Variants in SCHIP1 observed in about 807,000 individuals in gnomAD.
SCHIP1 encodes the protein schwannomin interacting protein 1.
In SCHIP1, 8 loss-of-function variants were observed where a neutral mutation model predicts 29.7. That is an observed-to-expected ratio of 0.27 (90% confidence interval 0.16 to 0.49). The LOEUF (loss-of-function observed/expected upper bound fraction) is 0.49, where lower values mean the gene tolerates loss of function less well. Among genes scored for constraint, SCHIP1 ranks in the 20% least tolerant of loss-of-function variants. The pLI, the probability that SCHIP1 is intolerant of heterozygous loss-of-function variation, is 0.99. For synonymous variants in SCHIP1, 76 were observed against 94.9 expected, an observed-to-expected ratio of 0.80 and a Z score of 1.16; for missense variants, 193 against 294.6, an observed-to-expected ratio of 0.66 and a Z score of 2.52.
the SCHIP1 span, chr3:159,274,205 G>A: frequency 1.0e-6 from 1 of 984,966 alleles, no homozygotes; most frequent in Non-Finnish European, 1.2e-6. Flanking sequence ...CATGTAAATA[G>A]TTCCAAATGT....
chr3:159,482,115 C>T, the SCHIP1 span, among the ~76,000 whole-genome samples: 10 of 152,076 alleles, frequency 6.6e-5, no homozygotes, highest in Non-Finnish European at 1.2e-4. Flanking sequence ...GTGCACAGTG[C>T]TTTGCATATC....
chr3:159,652,638 C>T, the SCHIP1 span, among the ~76,000 whole-genome samples: 1 of 152,068 alleles, frequency 6.6e-6, no homozygotes, highest in Non-Finnish European at 1.5e-5. Flanking sequence ...GGAAAGTGAC[C>T]TCACAGATAA....
chr3:159,602,336 T>C, the SCHIP1 span, among the ~76,000 whole-genome samples: 2 of 152,180 alleles, frequency 1.3e-5, no homozygotes, highest in African/African-American at 2.4e-5. Context: ...TTGGCTCTTC[T>C]TTCTGGAGAC....
chr3:159,359,822 C>A, the SCHIP1 span, among the ~76,000 whole-genome samples: 1,193 of 152,278 alleles, frequency 7.8e-3, 16 homozygotes, highest in African/African-American at 0.028. Flanking sequence ...AAAAGATCCT[C>A]CTGTAAAAGA....
chr3:159,472,239 G>T, the SCHIP1 span, among the ~76,000 whole-genome samples: 1 of 152,182 alleles, frequency 6.6e-6, no homozygotes, highest in African/African-American at 2.4e-5. Flanking sequence ...TGTTTTTAAA[G>T]AGTTGTGTGT....
chr3:159,608,726 T>C, the SCHIP1 span, among the ~76,000 whole-genome samples: 1 of 152,322 alleles, frequency 6.6e-6, no homozygotes, highest in South Asian at 2.1e-4. Flanking sequence ...TGAATGACCA[T>C]GGATAAGTTT....
chr3:159,839,365 C>T (rs888025811), upstream of SCHIP1, among the ~76,000 whole-genome samples: 2 of 150,944 alleles, frequency 1.3e-5, no homozygotes, highest in Non-Finnish European at 2.9e-5. Flanking sequence ...TTTTAATAAG[C>T]TCTCTCCCTA....
chr3:159,424,621 G>T, the SCHIP1 span, among the ~76,000 whole-genome samples: 1 of 152,174 alleles, frequency 6.6e-6, no homozygotes, highest in South Asian at 2.1e-4. Context: ...CACTCTGCAG[G>T]ATATTATCCA....
At chr3:159,743,633 A>G in the SCHIP1 span, among the ~76,000 whole-genome samples, 1 of 152,224 alleles carries the variant, frequency 6.6e-6, no homozygotes, top group South Asian at 2.1e-4. Context: ...AGTTTGAATC[A>G]AGTTGTAAAG....
At chr3:159,334,564 T>C in the SCHIP1 span, among the ~76,000 whole-genome samples, 1 of 152,188 alleles carries the variant, frequency 6.6e-6, no homozygotes, top group Non-Finnish European at 1.5e-5. Flanking sequence ...AATTTCCTCA[T>C]GCTGCCTCTT....
the SCHIP1 span, among the ~76,000 whole-genome samples, chr3:159,371,324 C>T: frequency 1.3e-5 from 2 of 152,122 alleles, no homozygotes; most frequent in Admixed American, 1.3e-4. Flanking sequence ...CAGCCCTTAC[C>T]TAAACAACCG....
At chr3:159,766,571 C>G in the SCHIP1 span, among the ~76,000 whole-genome samples, 1 of 152,256 alleles carries the variant, frequency 6.6e-6, no homozygotes, top group East Asian at 1.9e-4. Context: ...GGGAAATAAG[C>G]AGGAGGTTAG....
the SCHIP1 span, among the ~76,000 whole-genome samples, chr3:159,437,600 C>T: frequency 9.2e-5 from 14 of 151,588 alleles, no homozygotes; most frequent in South Asian, 6.3e-4. Context: ...AGGAAGGAGA[C>T]GGTGGAGGGG....
intron 1 of SCHIP1, among the ~76,000 whole-genome samples, chr3:159,843,001 CTTTTTTTTTTTTTTTT>C (rs566940351): frequency 6.3e-5 from 4 of 63,708 alleles, no homozygotes; most frequent in Admixed American, 4.7e-4. Context: ...ATATTTCTTT[CTTTTTTTTTTTTTTTT>C]TTTTTTTTTT....
At chr3:159,508,975 C>A in the SCHIP1 span, among the ~76,000 whole-genome samples, 1 of 152,210 alleles carries the variant, frequency 6.6e-6, no homozygotes, top group African/African-American at 2.4e-5. Flanking sequence ...CTGTAGATGT[C>A]TGTTAGGTCC....
Position 159,880,104 on chromosome 3 carries a change from C to T in SCHIP1, c.150-6103C>T, listed in dbSNP as rs1376729361. On this transcript the variant is annotated intron_variant, in intron 2 of 6. Transcript: ENST00000445224. ...CCTTTGGAGCTGCCTTCATCAGCTT[C>T]TGCTGAGGAAGCCGAACACCTGAGT... is the stretch of plus-strand genomic sequence containing the variant. 2.6e-5 allele frequency among the ~76,000 whole-genome samples: 4 copies of T among 152,218 alleles called. No individual in the cohort carries two copies. In the East Asian group the frequency reaches 7.7e-4, roughly 29 times the overall value.
the SCHIP1 span, among the ~76,000 whole-genome samples, chr3:159,748,661 A>G: frequency 1.3e-5 from 2 of 152,236 alleles, no homozygotes; most frequent in Non-Finnish European, 2.9e-5. Flanking sequence ...GTAACTCACC[A>G]AAGTCATTTT....
Position 159,887,696 on chromosome 3 carries a change from T to C in SCHIP1, c.268-12T>C, listed in dbSNP as rs746843969. The C allele has an allele frequency of 8.1e-6, 13 of 1,613,684 alleles. No homozygotes were observed. The highest frequency in any genetic ancestry group is 1.1e-5 in the Non-Finnish European group (13 of 1,179,780). On this transcript the variant is annotated splice_polypyrimidine_tract_variant and intron_variant, in intron 3 of 6. Transcript: ENST00000445224. ...GCATGGAAGGCTCAGGCTGCTCTTT[T>C]TCCCTTTGCAGAGCAAACAGAGTTC...
the SCHIP1 span, among the ~76,000 whole-genome samples, chr3:159,652,058 T>C: frequency 6.6e-6 from 1 of 151,784 alleles, no homozygotes; most frequent in South Asian, 2.1e-4. Context: ...ATTGTGCCAC[T>C]GCACTCTAGC....
Sources: allele counts gnomAD v4.1 joint callset (sites outside exome capture counted in the v4.1 genomes callset), GRCh38; gene constraint gnomAD v4.1.1; transcripts MANE v1.5; gene names NCBI Gene and HGNC (gene_info 2026-07-23, HGNC 2026-07-21).